COLEC10: variants seen among roughly 807,000 people sequenced by gnomAD.
COLEC10 encodes collectin-10.
Under a neutral mutation model 28.4 loss-of-function variants are expected in COLEC10, and 22 were observed. That is an observed-to-expected ratio of 0.78 (90% confidence interval 0.55 to 1.11). COLEC10 has a LOEUF of 1.11. Ranked by LOEUF, COLEC10 falls within the 50% of genes least tolerant of loss-of-function variation. COLEC10 has a pLI of 0.00. For missense variants in COLEC10, 361 were observed against 344.1 expected (o/e 1.05, Z -0.39); for synonymous variants, 125 against 116.1 (o/e 1.08, Z -0.49).
intron 3 of COLEC10, among the ~76,000 whole-genome samples, chr8:119,093,805 T>C (rs936466772): frequency 3.9e-5 from 6 of 152,114 alleles, no homozygotes; most frequent in Non-Finnish European, 8.8e-5. Flanking sequence ...TTTAAAAGAG[T>C]ACAATTCCAC....
intron 2 of COLEC10, among the ~76,000 whole-genome samples, chr8:119,045,625 TAAC>T (rs1256178624): frequency 2.0e-5 from 3 of 152,372 alleles, no homozygotes; most frequent in African/African-American, 4.8e-5. Context: ...TCTGCACACA[TAAC>T]AAGTTGATTT....
intron 2 of COLEC10, among the ~76,000 whole-genome samples, chr8:119,049,220 T>A (rs963665989): frequency 6.6e-6 from 1 of 151,952 alleles, no homozygotes; most frequent in Admixed American, 6.6e-5. Flanking sequence ...TCCTAACGGG[T>A]TTCCCTCTGT....
chr8:119,002,828 A>G (rs1300310565), intron 1 of COLEC10, among the ~76,000 whole-genome samples: 1 of 152,196 alleles, frequency 6.6e-6, no homozygotes, highest in Non-Finnish European at 1.5e-5. Flanking sequence ...CCTGCATAGC[A>G]TATATCACTG....
chr8:119,003,016 C>G (rs1057242707), intron 1 of COLEC10, among the ~76,000 whole-genome samples: 2 of 152,138 alleles, frequency 1.3e-5, no homozygotes, highest in South Asian at 2.1e-4. Context: ...TGAACTTGCA[C>G]TTTAGAAAGA....
intron 3 of COLEC10, among the ~76,000 whole-genome samples, chr8:119,098,776 T>G (rs1815767847): frequency 6.6e-6 from 1 of 152,132 alleles, no homozygotes; most frequent in Admixed American, 6.6e-5. Flanking sequence ...TAAGATTTTC[T>G]TCCTCTCCAG....
chr8:119,092,641 C>T (rs748303785), intron 3 of COLEC10, among the ~76,000 whole-genome samples: 2 of 152,120 alleles, frequency 1.3e-5, no homozygotes, highest in Non-Finnish European at 2.9e-5. Flanking sequence ...TGCAGTGGCT[C>T]ACACCTGTAA....
the COLEC10 span, among the ~76,000 whole-genome samples, chr8:118,968,931 C>G: frequency 2.0e-5 from 3 of 151,888 alleles, no homozygotes; most frequent in Admixed American, 1.3e-4. Flanking sequence ...ATACTGTTCC[C>G]TCAAAGATGT....
chr8:119,047,522 T>C (rs963833494), intron 2 of COLEC10, among the ~76,000 whole-genome samples: 1 of 152,220 alleles, frequency 6.6e-6, no homozygotes, highest in Non-Finnish European at 1.5e-5. Flanking sequence ...GATTGTATTT[T>C]ATGGGTCAGG....
At chr8:119,027,978 T>G (rs1814223322) in intron 2 of COLEC10, among the ~76,000 whole-genome samples, 1 of 152,202 alleles carries the variant, frequency 6.6e-6, no homozygotes, top group African/African-American at 2.4e-5. Context: ...ATTTCACCCT[T>G]AATTTTCTCA....
At chr8:119,059,503 A>G (rs1814817731) in intron 2 of COLEC10, among the ~76,000 whole-genome samples, 2 of 152,062 alleles carry the variant, frequency 1.3e-5, no homozygotes, top group Admixed American at 1.3e-4. Flanking sequence ...TTAACAATCA[A>G]TGAACCATTA....
intron 1 of COLEC10, among the ~76,000 whole-genome samples, chr8:119,070,944 G>C (rs984567733): frequency 6.6e-6 from 1 of 152,196 alleles, no homozygotes; most frequent in South Asian, 2.1e-4. Context: ...CAATTCCAGC[G>C]GGGCCAAGGG....
intron 1 of COLEC10, among the ~76,000 whole-genome samples, chr8:119,004,691 G>T (rs1253940600): frequency 6.6e-6 from 1 of 151,520 alleles, no homozygotes; most frequent in African/African-American, 2.4e-5. Flanking sequence ...TATATCTCAT[G>T]CTTCACCCAC....
chr8:118,957,661 A>G, the COLEC10 span, among the ~76,000 whole-genome samples: 5 of 152,210 alleles, frequency 3.3e-5, no homozygotes, highest in African/African-American at 1.2e-4. Context: ...ACATGCTAAC[A>G]GGTAATGTGG....
At chr8:118,959,636 C>T in the COLEC10 span, among the ~76,000 whole-genome samples, 1 of 152,188 alleles carries the variant, frequency 6.6e-6, no homozygotes, top group Non-Finnish European at 1.5e-5. Context: ...GCTATTAGGT[C>T]ATTGCATGAG....
At chr8:119,076,067 AT>A (rs11330366) in intron 1 of COLEC10, among the ~76,000 whole-genome samples, 42,851 of 89,902 alleles carry the variant, frequency 0.48, 10,603 homozygotes, top group Middle Eastern at 0.62. Context: ...CGCCCGGCTA[AT>A]TTTTTTTTTT....
chr8:119,041,199 T>C (rs1262745452), intron 2 of COLEC10, among the ~76,000 whole-genome samples: 1 of 152,128 alleles, frequency 6.6e-6, no homozygotes, highest in East Asian at 1.9e-4. Flanking sequence ...CCAAAGCTAG[T>C]GCTGCATGTA....
the COLEC10 span, among the ~76,000 whole-genome samples, chr8:118,984,530 T>C: frequency 7.5e-3 from 1,144 of 152,268 alleles, 11 homozygotes; most frequent in Non-Finnish European, 0.013. Context: ...GAAGAGGCCA[T>C]TCTGGATTAG....
intron 2 of COLEC10, among the ~76,000 whole-genome samples, chr8:119,057,652 T>A (rs1814787553): frequency 6.6e-6 from 1 of 152,100 alleles, no homozygotes; most frequent in Non-Finnish European, 1.5e-5. Context: ...CAATAGCTGA[T>A]AAATAGTACT....
the COLEC10 span, among the ~76,000 whole-genome samples, chr8:118,962,063 T>G: frequency 1.3e-5 from 2 of 152,168 alleles, no homozygotes; most frequent in African/African-American, 4.8e-5. Context: ...CAGTGGTGGA[T>G]GTAATTTCTG....
Sources: allele counts gnomAD v4.1 joint callset (sites outside exome capture counted in the v4.1 genomes callset), GRCh38; gene constraint gnomAD v4.1.1; transcripts MANE v1.5; gene names NCBI Gene and HGNC (gene_info 2026-07-23, HGNC 2026-07-21).